GPD2: variants seen among roughly 807,000 people sequenced by gnomAD.
The protein encoded by GPD2 is glycerol-3-phosphate dehydrogenase 2.
In GPD2, 54 loss-of-function variants were observed where a neutral mutation model predicts 82.4. The observed-to-expected ratio is 0.66, with a 90% CI of 0.53 to 0.82. The LOEUF is 0.82. Among genes scored for constraint, GPD2 ranks in the 40% least tolerant of loss-of-function variants. GPD2 has a pLI of 0.00. For missense variants in GPD2, 748 were observed against 896.2 expected (o/e 0.83, Z 2.11); for synonymous variants, 288 against 306.1 (o/e 0.94, Z 0.62).
intron 8 of GPD2, among the ~76,000 whole-genome samples, chr2:156,556,042 G>A (rs1456027747): frequency 6.6e-6 from 1 of 152,084 alleles, no homozygotes; most frequent in Non-Finnish European, 1.5e-5. Flanking sequence ...CATTAGTTAA[G>A]CTGCCTATAT....
chr2:156,427,720 A>G, the GPD2 span, among the ~76,000 whole-genome samples: 1 of 152,236 alleles, frequency 6.6e-6, no homozygotes, highest in Non-Finnish European at 1.5e-5. Context: ...ACAAATTGCC[A>G]CAAACTTGGT....
In GPD2 at chr2:156,492,147, CTTTTTTTTTTTTT is replaced by C. The variant is rs770947790; in HGVS notation, c.103-3884_103-3872del. Among the ~76,000 whole-genome samples, 43 of 75,510 alleles carry C rather than the reference CTTTTTTTTTTTTT, an allele frequency of 5.7e-4. 2 individuals carry two copies. The highest frequency in any genetic ancestry group is 2.2e-3 in the Admixed American group (10 of 4,554). 49.5% of individuals were successfully genotyped at this position (75,510 alleles called of 152,430 possible). On this transcript the variant is annotated intron_variant, in intron 2 of 16. Transcript: ENST00000438166. Reference sequence around the variant, plus strand: ...CCACCACTTGGTATTCCCTCCCTACCTTTTTTTTTTTTTTTTTTTTTTTTTGAGACAGAATATC... The same window carrying C: ...CCACCACTTGGTATTCCCTCCCTACCTTTTTTTTTTTTGAGACAGAATATC...
At position 156,551,239 on chromosome 2, in the gene GPD2, A is replaced by G. The variant is rs1186144058; in HGVS notation, c.971+493A>G. 2.0e-5 allele frequency among the ~76,000 whole-genome samples: 3 copies of G among 152,236 alleles called. No homozygotes were observed. In the East Asian group the frequency reaches 5.8e-4, roughly 29 times the overall value. ...TAGCAAGCAAAAACCAGATATATCT[A>G]ATCTATCAAATTAACAAAGATAATT... On this transcript the variant is annotated intron_variant, in intron 8 of 16. Transcript: ENST00000438166.
intron 2 of GPD2, among the ~76,000 whole-genome samples, chr2:156,488,190 A>G (rs777407557): frequency 2.0e-5 from 3 of 152,178 alleles, no homozygotes; most frequent in Non-Finnish European, 4.4e-5. Context: ...TACACTGAGA[A>G]ATGTTGCTTA....
At chr2:156,411,050 A>G in the GPD2 span, among the ~76,000 whole-genome samples, 4 of 152,234 alleles carry the variant, frequency 2.6e-5, no homozygotes, top group African/African-American at 9.6e-5. Flanking sequence ...AATAAATAAT[A>G]CTACATATAG....
the GPD2 span, among the ~76,000 whole-genome samples, chr2:156,401,138 G>C: frequency 2.6e-5 from 4 of 152,138 alleles, no homozygotes; most frequent in Admixed American, 6.6e-5. Flanking sequence ...AAAACTAGAA[G>C]TCAAAACTTG....
chr2:156,470,772 C>G (rs140858481), intron 1 of GPD2, among the ~76,000 whole-genome samples: 2 of 152,234 alleles, frequency 1.3e-5, no homozygotes, highest in Non-Finnish European at 2.9e-5. Context: ...AATGGGAGCC[C>G]TACAAGGACA....
At chr2:156,480,742 G>A (rs982717922) in intron 2 of GPD2, among the ~76,000 whole-genome samples, 2 of 150,708 alleles carry the variant, frequency 1.3e-5, no homozygotes, top group African/African-American at 4.9e-5. Flanking sequence ...CAAGGAGTGA[G>A]CTTCAGAATA....
chr2:156,459,551 G>T (rs1013163074), intron 1 of GPD2, among the ~76,000 whole-genome samples: 26 of 151,804 alleles, frequency 1.7e-4, no homozygotes, highest in Admixed American at 1.6e-3. Context: ...AGCTGGGCAT[G>T]GTGGCGCATG....
intron 13 of GPD2, among the ~76,000 whole-genome samples, chr2:156,575,216 G>A (rs996807190): frequency 6.6e-6 from 1 of 152,060 alleles, no homozygotes; most frequent in Admixed American, 6.6e-5. Flanking sequence ...AAAACGAGAG[G>A]AGAGAAAAAT....
chr2:156,503,827 A>G (rs1684682932), intron 3 of GPD2, among the ~76,000 whole-genome samples: 1 of 152,162 alleles, frequency 6.6e-6, no homozygotes, highest in African/African-American at 2.4e-5. Context: ...GGCCATTAGT[A>G]TAGTTTTTTA....
At chr2:156,498,373 A>G (rs923618217) in intron 3 of GPD2, among the ~76,000 whole-genome samples, 1 of 152,186 alleles carries the variant, frequency 6.6e-6, no homozygotes, top group Admixed American at 6.6e-5. Context: ...ACATGAGGGT[A>G]GTCATATCTA....
intron 1 of GPD2, among the ~76,000 whole-genome samples, chr2:156,463,868 A>G (rs1573894703): frequency 6.6e-6 from 1 of 152,196 alleles, no homozygotes; most frequent in Non-Finnish European, 1.5e-5. Flanking sequence ...TAGACCTGTC[A>G]CCTCTGTGCT....
chr2:156,535,460 G>GAA (rs1270035025), intron 6 of GPD2, among the ~76,000 whole-genome samples: 1 of 149,962 alleles, frequency 6.7e-6, no homozygotes, highest in Non-Finnish European at 1.5e-5. Context: ...GAGAGAGAGA[G>GAA]AAAGAAAGAC....
chr2:156,437,053 C>T (rs1239931356), intron 1 of GPD2, among the ~76,000 whole-genome samples: 1 of 152,194 alleles, frequency 6.6e-6, no homozygotes, highest in African/African-American at 2.4e-5. Flanking sequence ...CTGCTCTTAG[C>T]AGATGGTCTC....
intron 1 of GPD2, among the ~76,000 whole-genome samples, chr2:156,442,075 G>T (rs1037961): frequency 0.58 from 87,399 of 151,880 alleles, 25,445 homozygotes; most frequent in East Asian, 0.77. Context: ...TATGTTTTTT[G>T]AATACTAGTA....
At position 156,549,462 on chromosome 2, in the gene GPD2, A is replaced by G. The variant is rs1686669284; in HGVS notation, c.662-146A>G. 3 of 764,680 alleles carry G rather than the reference A, an allele frequency of 3.9e-6. No homozygotes were observed. The African/African-American group carries it at 5.1e-5, about 13-fold the overall frequency. The allele number at this position is 764,680 out of a possible 1,614,324, so 47.4% of individuals were successfully genotyped here. A position where few individuals can be genotyped will look rare whatever the true frequency, so the allele number is the denominator to read the frequency against. On this transcript the variant is annotated intron_variant, in intron 6 of 16. Transcript: ENST00000438166. Reference sequence around the variant, plus strand: ...GGCTGAGAATGACCGTGTATTTTAAATTGTGCCCTGTCAAGCTGCCCAGCC... The same window carrying G: ...GGCTGAGAATGACCGTGTATTTTAAGTTGTGCCCTGTCAAGCTGCCCAGCC...
rs1688089837 is a variant in GPD2, at chr2:156,583,130, A to T, written c.*212A>T. 15 of 561,934 alleles carry T rather than the reference A, an allele frequency of 2.7e-5. No individual in the cohort carries two copies. In the South Asian group the frequency reaches 3.0e-4, roughly 11 times the overall value. The allele number at this position is 561,934 out of a possible 1,614,324, so 34.8% of individuals were successfully genotyped here. ...TTGCCATTCAGTCTAGCTTTTAAGT[A>T]TATTTTTTTCTTTTTCTCATTTTCA... On this transcript the variant is annotated 3_prime_UTR_variant, in exon 17 of 17. Transcript: ENST00000438166.
intron 13 of GPD2, among the ~76,000 whole-genome samples, chr2:156,571,904 G>C (rs1363003004): frequency 2.6e-5 from 4 of 152,090 alleles, no homozygotes; most frequent in African/African-American, 9.7e-5. Flanking sequence ...AATACTTTCT[G>C]TATTCATTGG....
Sources: allele counts gnomAD v4.1 joint callset (sites outside exome capture counted in the v4.1 genomes callset), GRCh38; gene constraint gnomAD v4.1.1; transcripts MANE v1.5; gene names NCBI Gene and HGNC (gene_info 2026-07-23, HGNC 2026-07-21).